The following CFAP20DC variants were observed in gnomAD, a reference collection of about 807,000 sequenced individuals.
CFAP20DC encodes the protein protein CFAP20DC.
In CFAP20DC, 84 loss-of-function variants were observed where a neutral mutation model predicts 101.7. The ratio of observed to expected loss-of-function variants is 0.83; its 90% confidence interval spans 0.69 to 0.99. The LOEUF (loss-of-function observed/expected upper bound fraction) is 0.99. Among genes scored for constraint, CFAP20DC ranks in the 50% least tolerant of loss-of-function variants. CFAP20DC has a pLI of 0.00. For synonymous variants in CFAP20DC, 359 were observed against 351.2 expected (o/e 1.02, Z -0.25); for missense variants, 1,007 against 970.3 (o/e 1.04, Z -0.50).
intron 16 of CFAP20DC, among the ~76,000 whole-genome samples, chr3:58,744,644 G>A (rs1339224547): frequency 1.3e-5 from 2 of 152,088 alleles, no homozygotes. Flanking sequence ...TTGATGAGGT[G>A]ACAGCAGCCC....
chr3:58,896,031 T>A (rs1465732195), intron 6 of CFAP20DC, among the ~76,000 whole-genome samples: 1 of 152,154 alleles, frequency 6.6e-6, no homozygotes, highest in Non-Finnish European at 1.5e-5. Flanking sequence ...GAGATCTGGG[T>A]GGGGACACAG....
intron 5 of CFAP20DC, among the ~76,000 whole-genome samples, chr3:58,932,103 G>A (rs1214577569): frequency 6.6e-6 from 1 of 152,226 alleles, no homozygotes; most frequent in Non-Finnish European, 1.5e-5. Flanking sequence ...TGAAAGCCAA[G>A]GCTTGAGAAC....
chr3:58,877,854 G>A (rs2080883379), intron 7 of CFAP20DC, among the ~76,000 whole-genome samples: 1 of 152,192 alleles, frequency 6.6e-6, no homozygotes, highest in African/African-American at 2.4e-5. Flanking sequence ...AAGTGCATGT[G>A]ATGAGGACTA....
Position 58,899,495 on chromosome 3 carries a change from C to G in CFAP20DC, c.550+14213G>C, listed in dbSNP as rs181677774. Among the ~76,000 whole-genome samples the G allele has an allele frequency of 1.2e-3, 177 of 152,314 alleles. 2 individuals carry two copies. The highest frequency in any genetic ancestry group is 4.0e-4 in the Non-Finnish European group (27 of 68,028). On this transcript the variant is annotated intron_variant, in intron 6 of 16. Coordinates refer to ENST00000482387, the MANE Select transcript of CFAP20DC (RefSeq NM_001394063.1). The surrounding 1 kb of genome is among the most constrained non-coding windows in gnomAD (Gnocchi z 5.0). ...CCCTTCCTAGGGATGGATCTCCCAC[C>G]TTGCTGAGAATCCTGGGGGTGGAGT... is the stretch of plus-strand genomic sequence containing the variant.
intron 14 of CFAP20DC, among the ~76,000 whole-genome samples, chr3:58,828,615 AAT>A (rs902340321): frequency 2.0e-5 from 3 of 152,286 alleles, no homozygotes; most frequent in African/African-American, 7.2e-5. Context: ...CATGGAAATA[AAT>A]ATGTCAACAA....
Position 58,864,833 on chromosome 3 carries a change from C to G in CFAP20DC, c.1259-941G>C, listed in dbSNP as rs1559730235. On this transcript the variant is annotated intron_variant, in intron 11 of 16. Transcript: ENST00000482387. This position sits in a 1 kb window ranked among gnomAD's most constrained non-coding sequence, Gnocchi z 4.7. ...TGGGTGAAAAAGGTCTTTAAGTTTA[C>G]AAGAGACAATGTTTTGATATAAAAA... Among the ~76,000 whole-genome samples, 1 of 152,120 alleles carries G rather than the reference C, an allele frequency of 6.6e-6. No homozygotes were observed. Among genetic ancestry groups the G allele is most frequent in the Non-Finnish European group, 1.5e-5 (1 of 67,994 alleles).
chr3:58,960,390 G>A (rs2091030675), intron 4 of CFAP20DC, among the ~76,000 whole-genome samples: 1 of 151,776 alleles, frequency 6.6e-6, no homozygotes. Context: ...TACTCAGGAG[G>A]CTGAGGCAGA....
intron 4 of CFAP20DC, among the ~76,000 whole-genome samples, chr3:59,036,254 T>G (rs550937033): frequency 8.4e-4 from 128 of 152,274 alleles, no homozygotes; most frequent in African/African-American, 2.9e-3. Flanking sequence ...AAGGATGCCC[T>G]CTCATCACTC....
chr3:58,931,933 T>C (rs1305675283), intron 5 of CFAP20DC, among the ~76,000 whole-genome samples: 1 of 152,184 alleles, frequency 6.6e-6, no homozygotes, highest in Admixed American at 6.5e-5. Context: ...AGAATGACTT[T>C]GACGAGTTGA....
At chr3:58,837,805 T>C (rs2076838123) in intron 13 of CFAP20DC, among the ~76,000 whole-genome samples, 2 of 152,210 alleles carry the variant, frequency 1.3e-5, no homozygotes, top group South Asian at 4.1e-4. Context: ...GTAAGAAAAG[T>C]ACTAGAAGTC....
At position 59,006,840 on chromosome 3, in the gene CFAP20DC, G is replaced by C. The variant is rs958584358; in HGVS notation, c.278+32717C>G. Among the ~76,000 whole-genome samples the C allele has an allele frequency of 3.9e-5, 6 of 152,184 alleles. No individual in the cohort carries two copies. In the East Asian group the frequency reaches 1.2e-3, roughly 29 times the overall value. On this transcript the variant is annotated intron_variant, in intron 4 of 16. Transcript: ENST00000482387. This position sits in a 1 kb window ranked among gnomAD's most constrained non-coding sequence, Gnocchi z 4.3. ...CAGAATCTGGGTGGGGAGCAAATGG[G>C]AACTGTTACAGATGCAAACACAGGA...
rs1365366482 is a variant in CFAP20DC at position 58,932,357 on chromosome 3, T to C, written c.393+5291A>G. ...AAGTTGGAAAACACTCTGCAGGATA[T>C]TATCCAGGAGAACTTCCCCAATCTA... is the stretch of plus-strand genomic sequence containing the variant. On this transcript the variant is annotated intron_variant, in intron 5 of 16. Transcript: ENST00000482387. Among the ~76,000 whole-genome samples, 16 of 152,232 alleles carry C rather than the reference T, an allele frequency of 1.1e-4. No individual in the cohort carries two copies. The East Asian group carries it at 3.1e-3, about 29-fold the overall frequency.
chr3:59,042,803 T>C (rs763542951), intron 3 of CFAP20DC, among the ~76,000 whole-genome samples: 1 of 152,180 alleles, frequency 6.6e-6, no homozygotes, highest in Non-Finnish European at 1.5e-5. Context: ...GAGATACTGG[T>C]GGCTTTGGCC....
intron 13 of CFAP20DC, among the ~76,000 whole-genome samples, chr3:58,844,227 TAA>T (rs1192606870): frequency 1.4e-5 from 2 of 143,924 alleles, no homozygotes; most frequent in Non-Finnish European, 3.0e-5. Flanking sequence ...GCAAATTGGA[TAA>T]AGAGTCAAGA....
At chr3:58,997,850 G>C (rs1013916416) in intron 4 of CFAP20DC, among the ~76,000 whole-genome samples, 1 of 152,198 alleles carries the variant, frequency 6.6e-6, no homozygotes, top group Non-Finnish European at 1.5e-5. Context: ...GCAATGTACA[G>C]ACTGTAGGGT....
At chr3:58,783,984 T>A (rs772649396) in intron 15 of CFAP20DC, among the ~76,000 whole-genome samples, 14 of 152,062 alleles carry the variant, frequency 9.2e-5, no homozygotes, top group Non-Finnish European at 1.9e-4. Flanking sequence ...CAATAGTTCT[T>A]TAAACCCTTG....
intron 6 of CFAP20DC, among the ~76,000 whole-genome samples, chr3:58,903,343 T>C (rs918513876): frequency 6.6e-6 from 1 of 152,104 alleles, no homozygotes; most frequent in African/African-American, 2.4e-5. Context: ...GTGGTAGGAG[T>C]CCACCTCATT....
At chr3:59,026,233 C>A (rs557880680) in intron 4 of CFAP20DC, among the ~76,000 whole-genome samples, 1 of 151,990 alleles carries the variant, frequency 6.6e-6, no homozygotes, top group South Asian at 2.1e-4. Context: ...CCACGAGATG[C>A]GTTCAAAATA....
chr3:58,803,930 T>A (rs1257508378), intron 15 of CFAP20DC, among the ~76,000 whole-genome samples: 1 of 152,228 alleles, frequency 6.6e-6, no homozygotes, highest in Admixed American at 6.5e-5. Flanking sequence ...TGACAGTATA[T>A]CTTTGGAAAT....
Sources: allele counts gnomAD v4.1 joint callset (sites outside exome capture counted in the v4.1 genomes callset), GRCh38; gene constraint gnomAD v4.1.1; non-coding constraint Gnocchi (gnomAD v3.1); transcripts MANE v1.5; gene names NCBI Gene and HGNC (gene_info 2026-07-23, HGNC 2026-07-21).